TGFBRAP1: variants seen among roughly 807,000 people sequenced by gnomAD.
TGFBRAP1 encodes transforming growth factor beta receptor associated protein 1, also known as transforming growth factor-beta receptor-associated protein 1.
TGFBRAP1 carries 20 observed loss-of-function variants against 83.2 expected under a neutral mutation model. That is an observed-to-expected ratio of 0.24 (90% CI 0.17 to 0.35). The LOEUF (loss-of-function observed/expected upper bound fraction) is 0.35. Among genes scored for constraint, TGFBRAP1 ranks in the 10% least tolerant of loss-of-function variants. TGFBRAP1 has a pLI of 1.00. For missense variants in TGFBRAP1, 950 were observed against 1,099.4 expected, an observed-to-expected ratio of 0.86 and a Z score of 1.92; for synonymous variants, 415 against 459.8, an observed-to-expected ratio of 0.90 and a Z score of 1.25.
At chr2:105,288,770 A>G (rs1573182365) in intron 4 of TGFBRAP1, among the ~76,000 whole-genome samples, 1 of 152,342 alleles carries the variant, frequency 6.6e-6, no homozygotes, top group African/African-American at 2.4e-5. Context: ...GGACCATGGC[A>G]TTCTCCTTGT....
chr2:105,290,767 G>A (rs1016790768), intron 4 of TGFBRAP1, among the ~76,000 whole-genome samples: 3 of 152,080 alleles, frequency 2.0e-5, no homozygotes, highest in African/African-American at 4.8e-5. Context: ...CACTTTGGGA[G>A]GCCAGGATCG....
rs1489380488 is a variant in TGFBRAP1 at position 105,307,676 on chromosome 2, C to G, written c.626G>C (p.Arg209Thr). ...QDLFPYCSEE[R>T]PPIVKRIGRQ... ...CCCTATCCTCTTGACGATCGGCGGC[C>G]TCTCCTCACTGCAGTAGGGAAACAG... Residue 209 changes from arginine (R) to threonine (T), a missense_variant, in exon 2 of 12, where the codon AGG becomes ACG. Transcript: ENST00000393359. 1 of 1,614,034 alleles carries G rather than the reference C, an allele frequency of 6.2e-7. No individual in the cohort carries two copies. The highest frequency in any genetic ancestry group is 1.7e-5 in the Admixed American group (1 of 60,008).
intron 11 of TGFBRAP1, 99 bp from the exon 12 acceptor site, chr2:105,267,658 G>GGTT: frequency 1.3e-6 from 2 of 1,532,740 alleles, no homozygotes; most frequent in South Asian, 1.3e-5. Context: ...TTACTCCATG[G>GGTT]GTTATTATTA....
At chr2:105,251,363 G>A in the TGFBRAP1 span, among the ~76,000 whole-genome samples, 1 of 149,924 alleles carries the variant, frequency 6.7e-6, no homozygotes, top group Non-Finnish European at 1.5e-5. Flanking sequence ...GATGTGGGGA[G>A]CGCCTCTGCC....
the TGFBRAP1 span, chr2:105,249,777 A>T: frequency 6.6e-6 from 1 of 152,262 alleles, no homozygotes; most frequent in Non-Finnish European, 1.5e-5. Context: ...TGAAAGGTGG[A>T]GGCTGGTGGC....
intron 1 of TGFBRAP1, among the ~76,000 whole-genome samples, chr2:105,328,084 G>A (rs899737860): frequency 2.0e-5 from 3 of 152,250 alleles, no homozygotes; most frequent in African/African-American, 2.4e-5. Flanking sequence ...ACCCTGTGCC[G>A]GATCCTTTCC....
At chr2:105,303,756 C>A (rs1013623931) in intron 2 of TGFBRAP1, among the ~76,000 whole-genome samples, 3 of 152,072 alleles carry the variant, frequency 2.0e-5, no homozygotes, top group Non-Finnish European at 4.4e-5. Context: ...TGCCTCCCCA[C>A]AAAACAAGCA....
chr2:105,296,144 T>C (rs1374287810), intron 4 of TGFBRAP1, among the ~76,000 whole-genome samples: 3 of 152,218 alleles, frequency 2.0e-5, no homozygotes, highest in African/African-American at 7.2e-5. Context: ...TCTCCACTCT[T>C]GGCAGTGCCT....
At chr2:105,256,444 C>T in the TGFBRAP1 span, among the ~76,000 whole-genome samples, 1 of 152,176 alleles carries the variant, frequency 6.6e-6, no homozygotes, top group Non-Finnish European at 1.5e-5. Flanking sequence ...GGGCTTCTGG[C>T]TTACCCGCAC....
chr2:105,257,967 T>G, the TGFBRAP1 span, among the ~76,000 whole-genome samples: 1 of 152,134 alleles, frequency 6.6e-6, no homozygotes, highest in African/African-American at 2.4e-5. Flanking sequence ...CAACATATAC[T>G]TGTGGAATGA....
intron 3 of TGFBRAP1, among the ~76,000 whole-genome samples, chr2:105,297,714 AT>A (rs1221853862): frequency 6.6e-6 from 1 of 152,112 alleles, no homozygotes; most frequent in Non-Finnish European, 1.5e-5. Context: ...ATTAATGTGA[AT>A]TTTTTTCAGG....
At position 105,269,180 on chromosome 2, in the gene TGFBRAP1, A is replaced by C; in HGVS notation, c.2406+92T>G. 7.0e-7 allele frequency: 1 copy of C among 1,420,072 alleles called. No homozygotes were observed. The highest frequency in any genetic ancestry group is 9.3e-7 in the Non-Finnish European group (1 of 1,075,628). The allele number at this position is 1,420,072 out of a possible 1,614,324, so 88.0% of individuals were successfully genotyped here. A position where few individuals can be genotyped will look rare whatever the true frequency, so the allele number is the denominator to read the frequency against. On this transcript the variant is annotated intron_variant, in intron 11 of 11. Coordinates refer to ENST00000393359, the MANE Select transcript of TGFBRAP1 (RefSeq NM_004257.6). The surrounding 1 kb of genome is among the most constrained non-coding windows in gnomAD (Gnocchi z 4.1). ...TGTAGTCATAGAGACAGAAAAAAGA[A>C]AAACCAACAAAGACTATTTTTCCAT...
chr2:105,309,160 A>C (rs1011814264), intron 1 of TGFBRAP1, among the ~76,000 whole-genome samples: 1 of 152,222 alleles, frequency 6.6e-6, no homozygotes, highest in African/African-American at 2.4e-5. Context: ...TTCACACTCC[A>C]CAAAGTCACA....
At position 105,296,401 on chromosome 2, in the gene TGFBRAP1, A is replaced by G. The variant is rs1678089937; in HGVS notation, c.993T>C (p.Val331=). Residue 331 remains valine, a synonymous_variant, in exon 4 of 12, where the codon GTT becomes GTC. Coordinates refer to ENST00000393359, the MANE Select transcript of TGFBRAP1 (RefSeq NM_004257.6). ...LASRRVEEAL[V]LAKGARRNIP... Reference sequence around the variant, plus strand: ...TGTTCCTCCGGGCTCCTTTTGCTAAAACCAAAGCCTCTTCTACTCTGCGGC... The same window carrying G: ...TGTTCCTCCGGGCTCCTTTTGCTAAGACCAAAGCCTCTTCTACTCTGCGGC... 1.1e-5 allele frequency: 17 copies of G among 1,613,890 alleles called. No individual in the cohort carries two copies. The highest frequency in any genetic ancestry group is 1.4e-5 in the Non-Finnish European group (17 of 1,180,002).
At chr2:105,280,085 ATT>A (rs1418579698) in intron 6 of TGFBRAP1, among the ~76,000 whole-genome samples, 1 of 151,978 alleles carries the variant, frequency 6.6e-6, no homozygotes, top group Non-Finnish European at 1.5e-5. Context: ...AATTAACTTC[ATT>A]TACTCACAAA....
chr2:105,251,191 C>G, the TGFBRAP1 span, among the ~76,000 whole-genome samples: 8 of 150,042 alleles, frequency 5.3e-5, no homozygotes, highest in Admixed American at 1.3e-4. Context: ...CCGGCCGCCC[C>G]GTCTGGGAAG....
chr2:105,300,434 CTTTTTTT>C (rs769660664), intron 2 of TGFBRAP1, among the ~76,000 whole-genome samples: 1 of 119,030 alleles, frequency 8.4e-6, no homozygotes. Context: ...GGAGTAAAAT[CTTTTTTT>C]TTTTTTTTTT....
At chr2:105,300,223 A>C (rs1363597495) in intron 2 of TGFBRAP1, among the ~76,000 whole-genome samples, 4 of 152,096 alleles carry the variant, frequency 2.6e-5, no homozygotes, top group African/African-American at 7.2e-5. Context: ...CTGAAGATAG[A>C]ATCTGTATAT....
intron 4 of TGFBRAP1, among the ~76,000 whole-genome samples, chr2:105,290,941 G>A (rs1324527860): frequency 1.3e-5 from 2 of 152,180 alleles, no homozygotes; most frequent in African/African-American, 4.8e-5. Context: ...GGGAGGTGGA[G>A]GTTGCAGTGA....
Sources: gnomAD v4.1 joint callset for allele counts (sites outside exome capture counted in the v4.1 genomes callset) on GRCh38, gnomAD v4.1.1 for gene constraint, Gnocchi (gnomAD v3.1) non-coding constraint, MANE v1.5 for transcripts, NCBI Gene and HGNC (gene_info 2026-07-23, HGNC 2026-07-21) for gene names.